ZNF804A: variants seen among roughly 807,000 people sequenced by gnomAD.
ZNF804A encodes the protein zinc finger protein 804A.
ZNF804A carries 2 observed loss-of-function variants against 16.5 expected under a neutral mutation model. That is an observed-to-expected ratio of 0.12 (90% CI 0.05 to 0.38). The LOEUF is 0.38. ZNF804A is among the 10% of genes least tolerant of loss of function. The pLI, the probability that ZNF804A is intolerant of heterozygous loss-of-function variation, is 0.99. For missense variants in ZNF804A, 1,473 were observed against 1,390.7 expected (o/e 1.06, Z -0.94); for synonymous variants, 534 against 489.6 (o/e 1.09, Z -1.20).
At chr2:184,693,097 A>G (rs1692760272) in intron 1 of ZNF804A, among the ~76,000 whole-genome samples, 1 of 152,150 alleles carries the variant, frequency 6.6e-6, no homozygotes, top group Non-Finnish European at 1.5e-5. Context: ...TGCAGAAATC[A>G]TTCATTGTGG....
chr2:184,665,584 G>C (rs1160805364), intron 1 of ZNF804A, among the ~76,000 whole-genome samples: 1 of 152,192 alleles, frequency 6.6e-6, no homozygotes, highest in African/African-American at 2.4e-5. Flanking sequence ...AGAATAAGTG[G>C]ATTCTCTCTG....
At chr2:184,726,272 A>G (rs1230681025) in intron 1 of ZNF804A, among the ~76,000 whole-genome samples, 1 of 151,658 alleles carries the variant, frequency 6.6e-6, no homozygotes, top group Non-Finnish European at 1.5e-5. Context: ...TTATCCACAT[A>G]AGTTTCAGCA....
At chr2:184,714,250 T>C (rs1449353513) in intron 1 of ZNF804A, among the ~76,000 whole-genome samples, 1 of 152,028 alleles carries the variant, frequency 6.6e-6, no homozygotes, top group Non-Finnish European at 1.5e-5. Flanking sequence ...TGCTTTCTGT[T>C]CATCTTACTC....
chr2:184,726,006 C>T (rs943816181), intron 1 of ZNF804A, among the ~76,000 whole-genome samples: 1 of 151,716 alleles, frequency 6.6e-6, no homozygotes, highest in South Asian at 2.1e-4. Flanking sequence ...GGTATGGATG[C>T]ACCACAGTTT....
intron 1 of ZNF804A, among the ~76,000 whole-genome samples, chr2:184,815,246 T>TAA (rs892439681): frequency 1.3e-5 from 2 of 150,830 alleles, no homozygotes; most frequent in East Asian, 3.9e-4. Flanking sequence ...TAGATGCTGT[T>TAA]AAAAAAAAAC....
chr2:184,800,261 C>T (rs1009201101), intron 1 of ZNF804A, among the ~76,000 whole-genome samples: 1 of 151,662 alleles, frequency 6.6e-6, no homozygotes, highest in African/African-American at 2.4e-5. Flanking sequence ...TATTGTTTTC[C>T]TTCTTTCAGT....
At chr2:184,788,939 T>G (rs1227672056) in intron 1 of ZNF804A, among the ~76,000 whole-genome samples, 2 of 152,102 alleles carry the variant, frequency 1.3e-5, no homozygotes, top group East Asian at 3.8e-4. Flanking sequence ...ACTTTCATCT[T>G]TTCCTCATTC....
chr2:184,913,043 T>C (rs1306562949), intron 2 of ZNF804A, among the ~76,000 whole-genome samples: 1 of 152,102 alleles, frequency 6.6e-6, no homozygotes, highest in African/African-American at 2.4e-5. Context: ...TAATCACCTT[T>C]AAGACTTTTA....
chr2:184,640,455 A>G (rs1691776835), intron 1 of ZNF804A, among the ~76,000 whole-genome samples: 1 of 152,110 alleles, frequency 6.6e-6, no homozygotes, highest in African/African-American at 2.4e-5. Flanking sequence ...TATATAATTT[A>G]TTTTAGAATA....
intron 2 of ZNF804A, among the ~76,000 whole-genome samples, chr2:184,872,261 C>A (rs1413729108): frequency 6.6e-6 from 1 of 152,008 alleles, no homozygotes; most frequent in African/African-American, 2.4e-5. Context: ...TGATGAAATA[C>A]CAAACACATT....
chr2:184,807,958 G>A (rs141318710), intron 1 of ZNF804A, among the ~76,000 whole-genome samples: 33 of 151,658 alleles, frequency 2.2e-4, no homozygotes, highest in Admixed American at 5.3e-4. Flanking sequence ...GTTCTGAACC[G>A]TAATCATACT....
At chr2:184,781,720 G>A (rs955601505) in intron 1 of ZNF804A, among the ~76,000 whole-genome samples, 1 of 151,806 alleles carries the variant, frequency 6.6e-6, no homozygotes, top group Admixed American at 6.6e-5. Flanking sequence ...TTAGCTCACA[G>A]TAACTTCTAC....
At chr2:184,901,962 A>T (rs1483948429) in intron 2 of ZNF804A, 2 of 152,136 alleles carry the variant, frequency 1.3e-5, no homozygotes, top group African/African-American at 2.4e-5. Flanking sequence ...TAAAATCTCC[A>T]AATTATACAC....
intron 1 of ZNF804A, among the ~76,000 whole-genome samples, chr2:184,700,216 G>A (rs1692898332): frequency 6.6e-6 from 1 of 152,064 alleles, no homozygotes; most frequent in Non-Finnish European, 1.5e-5. Flanking sequence ...TTTGTTAGAT[G>A]TCCAACAGAC....
At chr2:184,755,295 T>A (rs1222049256) in intron 1 of ZNF804A, among the ~76,000 whole-genome samples, 1 of 151,924 alleles carries the variant, frequency 6.6e-6, no homozygotes, top group African/African-American at 2.4e-5. Context: ...CCTTTGGACG[T>A]AGAGTCAGTT....
At chr2:184,629,302 G>T (rs183707594) in intron 1 of ZNF804A, among the ~76,000 whole-genome samples, 1 of 151,920 alleles carries the variant, frequency 6.6e-6, no homozygotes, top group African/African-American at 2.4e-5. Context: ...CATTCCTTAG[G>T]GGGTGCAGCA....
chr2:184,838,733 A>G (rs931775463), intron 1 of ZNF804A, among the ~76,000 whole-genome samples: 2 of 152,126 alleles, frequency 1.3e-5, no homozygotes, highest in African/African-American at 4.8e-5. Flanking sequence ...GAAGCTATGT[A>G]TAGCCATAAC....
intron 1 of ZNF804A, among the ~76,000 whole-genome samples, chr2:184,855,329 A>T (rs1695669329): frequency 6.6e-6 from 1 of 152,184 alleles, no homozygotes; most frequent in African/African-American, 2.4e-5. Flanking sequence ...ATCACCAAGG[A>T]CATCTTTTCC....
chr2:184,887,589 G>C (rs1157971449), intron 2 of ZNF804A, among the ~76,000 whole-genome samples: 3 of 152,202 alleles, frequency 2.0e-5, no homozygotes, highest in Non-Finnish European at 2.9e-5. Context: ...TGAGGTCTTG[G>C]AATCATGGTT....
Sources: gnomAD v4.1 joint callset for allele counts (sites outside exome capture counted in the v4.1 genomes callset) on GRCh38, gnomAD v4.1.1 for gene constraint, MANE v1.5 for transcripts, NCBI Gene and HGNC (gene_info 2026-07-23, HGNC 2026-07-21) for gene names.